The following FER variants were observed in gnomAD, a reference collection of about 807,000 sequenced individuals.
FER encodes FER tyrosine kinase.
A neutral mutation model predicts 111.0 loss-of-function variants in FER; 63 were observed. The observed-to-expected ratio is 0.57, with a 90% CI of 0.46 to 0.70. The LOEUF is 0.70. Among genes scored for constraint, FER ranks in the 30% least tolerant of loss-of-function variants. The pLI is 0.00. For missense variants in FER, 914 were observed against 954.0 expected (o/e 0.96, Z 0.55); for synonymous variants, 327 against 313.9 (o/e 1.04, Z -0.44).
intron 16 of FER, among the ~76,000 whole-genome samples, chr5:109,092,284 C>CAAAAAAAAAAAAAAAAAAAAA (rs70999914): frequency 4.9e-5 from 2 of 40,428 alleles, no homozygotes; most frequent in Non-Finnish European, 9.4e-5. Flanking sequence ...CTTATGATGG[C>CAAAAAAAAAAAAAAAAAAAAA]AAAAAAAAAA....
rs571525916 is a variant in FER, at chr5:108,895,745, G to A, written c.1047-1914G>A. On this transcript the variant is annotated intron_variant, in intron 9 of 19. Transcript: ENST00000281092. ...CAAACACTACAGGTTCTGGGCATAA[G>A]GATGTGGTTATCTTTTGGGGGACAT... Among the ~76,000 whole-genome samples the A allele has an allele frequency of 2.0e-5, 3 of 152,272 alleles. No individual in the cohort carries two copies. The South Asian group carries it at 6.2e-4, about 32-fold the overall frequency.
At chr5:108,883,568 A>G (rs1765886797) in intron 9 of FER, 50 bp downstream of exon 9, 2 of 1,485,028 alleles carry the variant, frequency 1.3e-6, no homozygotes, top group Admixed American at 4.4e-5. Context: ...TTGTAATTTT[A>G]CAAAAATATT....
At chr5:109,061,153 G>T (rs1774363405) in intron 16 of FER, among the ~76,000 whole-genome samples, 1 of 152,168 alleles carries the variant, frequency 6.6e-6, no homozygotes. Context: ...AAACTGAAGT[G>T]ATTGGATTAC....
chr5:109,069,687 C>T (rs949647520), intron 16 of FER, among the ~76,000 whole-genome samples: 1 of 151,908 alleles, frequency 6.6e-6, no homozygotes, highest in Admixed American at 6.6e-5. Context: ...AGGTTGTTGC[C>T]AAAAGAAGAA....
intron 3 of FER, among the ~76,000 whole-genome samples, chr5:108,832,296 C>T (rs997775672): frequency 1.3e-5 from 2 of 152,094 alleles, no homozygotes; most frequent in African/African-American, 2.4e-5. Flanking sequence ...GGAAGCTAAG[C>T]GAGCCTCCAC....
At chr5:108,918,278 C>T (rs994204410) in intron 10 of FER, among the ~76,000 whole-genome samples, 4 of 152,078 alleles carry the variant, frequency 2.6e-5, no homozygotes, top group African/African-American at 7.2e-5. Flanking sequence ...TTCTTAGTGG[C>T]GGTGCCCTTG....
At chr5:108,811,532 G>A (rs368151398) in intron 3 of FER, among the ~76,000 whole-genome samples, 87 of 152,268 alleles carry the variant, frequency 5.7e-4, no homozygotes, top group African/African-American at 2.0e-3. Flanking sequence ...GTTGGTTAGA[G>A]TGTTCTATAG....
intron 10 of FER, among the ~76,000 whole-genome samples, chr5:108,918,404 A>AG (rs1752540262): frequency 6.6e-6 from 1 of 152,304 alleles, no homozygotes; most frequent in South Asian, 2.1e-4. Context: ...TGTGGGCCTA[A>AG]GAATGCAGCT....
chr5:109,056,867 A>G (rs1305314388), intron 16 of FER, among the ~76,000 whole-genome samples: 1 of 152,192 alleles, frequency 6.6e-6, no homozygotes, highest in Non-Finnish European at 1.5e-5. Context: ...TCTTAAAATC[A>G]GGTAGTATTA....
intron 5 of FER, among the ~76,000 whole-genome samples, chr5:108,840,517 T>C (rs1761151736): frequency 6.6e-6 from 1 of 152,164 alleles, no homozygotes; most frequent in Non-Finnish European, 1.5e-5. Flanking sequence ...CCTCCTACTT[T>C]TTACTCATGA....
chr5:108,959,342 C>A lies in FER; in HGVS notation c.1651C>A (p.Pro551Thr). 6.2e-7 allele frequency: 1 copy of A among 1,608,662 alleles called. No individual in the cohort carries two copies. Among genetic ancestry groups the A allele is most frequent in the East Asian group, 2.2e-5 (1 of 44,608 alleles). ...AGGTGTAGTTCTGCTGAATCCTATT[C>A]CTAAGGTAGGTGCTTATATACTTTT... ...KSGVVLLNPI[P>T]KDKKWILSHE... The change falls in exon 13 of 20, where the codon CCT becomes ACT. Residue 551 changes from proline to threonine, a missense_variant. Pro to Thr is a conservative substitution (Grantham distance 38, BLOSUM62 -1). Transcript: ENST00000281092.
intron 17 of FER, among the ~76,000 whole-genome samples, chr5:109,111,504 T>C (rs1749616595): frequency 1.3e-5 from 2 of 151,674 alleles, no homozygotes; most frequent in Admixed American, 1.3e-4. Context: ...ATGGCAAAAA[T>C]CACAATTGCT....
intron 8 of FER, among the ~76,000 whole-genome samples, chr5:108,875,453 A>C (rs1764995244): frequency 6.6e-6 from 1 of 152,062 alleles, no homozygotes; most frequent in African/African-American, 2.4e-5. Flanking sequence ...TTTTGTGCTT[A>C]ATTTATTTTT....
intron 16 of FER, among the ~76,000 whole-genome samples, chr5:109,054,161 T>C (rs770561304): frequency 1.4e-4 from 22 of 152,210 alleles, no homozygotes; most frequent in Non-Finnish European, 2.9e-4. Context: ...AGTAGTGGAA[T>C]GAATCGATCA....
rs751772696 is a variant in FER, at chr5:109,189,716, C to T, written c.*2141C>T. On this transcript the variant is annotated 3_prime_UTR_variant, in exon 20 of 20. Coordinates refer to ENST00000281092, the MANE Select transcript of FER (RefSeq NM_005246.4). ...TCTTTGTCTGTTTAAAGAAAACAGCCTCCCATCTCATAGTGGCTTCATGCT... is the reference window on the plus strand; with the variant it reads ...TCTTTGTCTGTTTAAAGAAAACAGCTTCCCATCTCATAGTGGCTTCATGCT... 17 of 151,956 alleles carry T rather than the reference C, an allele frequency of 1.1e-4. No individual in the cohort carries two copies. The highest frequency in any genetic ancestry group is 1.2e-4 in the Non-Finnish European group (8 of 67,998). 9.4% of individuals were successfully genotyped at this position (151,956 alleles called of 1,614,324 possible).
At chr5:108,861,513 C>T (rs113335243) in intron 5 of FER, among the ~76,000 whole-genome samples, 82 of 152,146 alleles carry the variant, frequency 5.4e-4, no homozygotes, top group African/African-American at 1.5e-3. Flanking sequence ...ATGTTTTCCT[C>T]CTTGTTGATT....
At chr5:108,949,903 G>A (rs1447014332) in intron 11 of FER, among the ~76,000 whole-genome samples, 1 of 152,070 alleles carries the variant, frequency 6.6e-6, no homozygotes, top group African/African-American at 2.4e-5. Context: ...AATGATGAGA[G>A]AGGATGAGTG....
At chr5:108,754,212 A>T (rs1351089732) in intron 1 of FER, among the ~76,000 whole-genome samples, 3 of 152,034 alleles carry the variant, frequency 2.0e-5, no homozygotes, top group Non-Finnish European at 2.9e-5. Context: ...GAAGTTTGAG[A>T]GCAGCCTGGG....
intron 13 of FER, among the ~76,000 whole-genome samples, chr5:109,032,737 A>G (rs1000082479): frequency 5.3e-5 from 8 of 152,214 alleles, no homozygotes; most frequent in Admixed American, 3.9e-4. Context: ...AAGGCCACCA[A>G]AATCTTTATA....
Sources: gnomAD v4.1 joint callset for allele counts (sites outside exome capture counted in the v4.1 genomes callset) on GRCh38, gnomAD v4.1.1 for gene constraint, MANE v1.5 for transcripts, NCBI Gene and HGNC (gene_info 2026-07-23, HGNC 2026-07-21) for gene names.